CNGA3: variants seen among roughly 807,000 people sequenced by gnomAD.
The protein encoded by CNGA3 is cyclic nucleotide gated channel subunit alpha 3.
Under a neutral mutation model 46.6 loss-of-function variants are expected in CNGA3, and 42 were observed. The ratio of observed to expected loss-of-function variants is 0.90; its 90% CI spans 0.70 to 1.17. The LOEUF (loss-of-function observed/expected upper bound fraction) is 1.17, where lower values mean the gene tolerates loss of function less well. CNGA3 is among the 50% of genes most tolerant of loss of function. The probability of loss-of-function intolerance (pLI) is 0.00; values close to 1 mark genes in which losing one functional copy is unlikely to be tolerated. For missense variants in CNGA3, 893 were observed against 890.7 expected (o/e 1.00, Z -0.03); for synonymous variants, 394 against 369.4 (o/e 1.07, Z -0.76).
chr2:98,382,628 G>C (rs752555117), intron 4 of CNGA3, among the ~76,000 whole-genome samples: 6 of 152,252 alleles, frequency 3.9e-5, no homozygotes, highest in Non-Finnish European at 8.8e-5. Flanking sequence ...AGGCCGCATG[G>C]CTTTTTTAAC....
At chr2:98,368,031 T>C (rs78731824) in intron 1 of CNGA3, among the ~76,000 whole-genome samples, 1,607 of 152,352 alleles carry the variant, frequency 0.011, 18 homozygotes, top group Non-Finnish European at 0.015. Context: ...TATTTCTCTT[T>C]ATAGCTCCTA....
intron 1 of CNGA3, among the ~76,000 whole-genome samples, chr2:98,368,119 GA>G (rs758688943): frequency 1.1e-4 from 17 of 152,208 alleles, no homozygotes; most frequent in Non-Finnish European, 1.6e-4. Context: ...GATCTATTGA[GA>G]AAACCAGAAT....
At chr2:98,388,813 C>T (rs1319924930) in intron 5 of CNGA3, among the ~76,000 whole-genome samples, 2 of 152,170 alleles carry the variant, frequency 1.3e-5, no homozygotes, top group East Asian at 1.9e-4. Context: ...TCCCAAAGCC[C>T]GGTCAGTGAG....
intron 1 of CNGA3, chr2:98,347,215 A>C (rs1412230425): frequency 6.6e-6 from 1 of 152,048 alleles, no homozygotes; most frequent in East Asian, 1.9e-4. Context: ...AAATTCTTTT[A>C]GGAGTGCGCG....
chr2:98,366,727 C>T (rs1202934774), intron 1 of CNGA3, among the ~76,000 whole-genome samples: 1 of 152,214 alleles, frequency 6.6e-6, no homozygotes, highest in African/African-American at 2.4e-5. Flanking sequence ...ACTGCCCAGT[C>T]TCCACGACTC....
At chr2:98,362,704 T>C (rs1006080658) in intron 1 of CNGA3, among the ~76,000 whole-genome samples, 2 of 152,238 alleles carry the variant, frequency 1.3e-5, no homozygotes, top group Non-Finnish European at 2.9e-5. Flanking sequence ...TTGCTTTTGA[T>C]GTTTTTGTCA....
chr2:98,393,349 C>G (rs969829651), intron 7 of CNGA3, among the ~76,000 whole-genome samples: 1 of 152,240 alleles, frequency 6.6e-6, no homozygotes, highest in African/African-American at 2.4e-5. Context: ...CGTCTTGCTT[C>G]TTCATTAGAA....
At chr2:98,368,844 A>C (rs1558807948) in intron 1 of CNGA3, among the ~76,000 whole-genome samples, 1 of 152,194 alleles carries the variant, frequency 6.6e-6, no homozygotes, top group Non-Finnish European at 1.5e-5. Context: ...CTGTTCTCTT[A>C]TGCTGAGTCA....
chr2:98,392,940 G>T (rs979664989), intron 7 of CNGA3, among the ~76,000 whole-genome samples: 5 of 152,212 alleles, frequency 3.3e-5, no homozygotes, highest in African/African-American at 1.2e-4. Context: ...TGCCTAAGCT[G>T]GTAGAGGCCC....
At position 98,367,167 on chromosome 2, in the gene CNGA3, G is replaced by GTTTATTTTCTTTTTTTTTTTTT. The variant is rs751611132; in HGVS notation, c.-37-2769_-37-2768insATTTTCTTTTTTTTTTTTTTTT. Among the ~76,000 whole-genome samples the GTTTATTTTCTTTTTTTTTTTTT allele has an allele frequency of 7.4e-4, 75 of 101,606 alleles. 9 individuals are homozygous for GTTTATTTTCTTTTTTTTTTTTT. The highest frequency in any genetic ancestry group is 2.2e-3 in the African/African-American group (67 of 29,924). The allele number at this position is 101,606 out of a possible 152,430, so 66.7% of individuals were successfully genotyped here. A position where few individuals can be genotyped will look rare whatever the true frequency, so the allele number is the denominator to read the frequency against. Reference sequence around the variant, plus strand: ...TTGGTGAGAACCTCTGACATCAGCTGTTTTTTTTCTTTTTTTTCTTTTTTT... The same window carrying GTTTATTTTCTTTTTTTTTTTTT: ...TTGGTGAGAACCTCTGACATCAGCTGTTTATTTTCTTTTTTTTTTTTTTTTTTTTTCTTTTTTTTCTTTTTTT... On this transcript the variant is annotated intron_variant, in intron 1 of 7. Coordinates refer to ENST00000272602, the MANE Select transcript of CNGA3 (RefSeq NM_001298.3).
intron 1 of CNGA3, among the ~76,000 whole-genome samples, chr2:98,360,148 G>A (rs1471432164): frequency 2.0e-5 from 3 of 152,236 alleles, no homozygotes; most frequent in African/African-American, 7.2e-5. Flanking sequence ...GCCTTCAGCA[G>A]CAACCTTAAG....
chr2:98,361,021 A>ATTTAT (rs1553447373), intron 1 of CNGA3, among the ~76,000 whole-genome samples: 1 of 107,144 alleles, frequency 9.3e-6, no homozygotes, highest in African/African-American at 3.1e-5. Flanking sequence ...ATTTTATTTT[A>ATTTAT]TTTATTTTAT....
At position 98,362,499 on chromosome 2, in the gene CNGA3, GT is replaced by G. The variant is rs892748688; in HGVS notation, c.-37-7430del. On this transcript the variant is annotated intron_variant, in intron 1 of 7. Transcript: ENST00000272602. The stretch of plus-strand genomic sequence containing the variant: ...CCCGGCCTGCCCACTTTTTAATGTT[GT>G]TTTTTTTTTCTTGCAAATTCATTTA... 2.6e-4 allele frequency among the ~76,000 whole-genome samples: 39 copies of G among 149,012 alleles called. No homozygotes were observed. In the East Asian group the frequency reaches 5.7e-3, roughly 22 times the overall value.
intron 7 of CNGA3, among the ~76,000 whole-genome samples, chr2:98,395,533 T>C (rs2104244322): frequency 6.6e-6 from 1 of 152,332 alleles, no homozygotes; most frequent in Non-Finnish European, 1.5e-5. Flanking sequence ...TTAAAATATG[T>C]ATATAATTTC....
intron 2 of CNGA3, among the ~76,000 whole-genome samples, chr2:98,370,551 G>C (rs760914354): frequency 5.3e-5 from 8 of 152,342 alleles, no homozygotes; most frequent in Non-Finnish European, 8.8e-5. Context: ...CCCAGGGCCT[G>C]TATAGGGAGT....
At chr2:98,378,259 A>C in intron 3 of CNGA3, 1 of 1,529,452 alleles carries the variant, frequency 6.5e-7, no homozygotes, top group South Asian at 1.2e-5. Context: ...TTGCAAGATT[A>C]GTGAGACTCC....
intron 6 of CNGA3, 71 bp from the exon 7 acceptor site, chr2:98,391,793 T>C: frequency 6.9e-7 from 1 of 1,440,600 alleles, no homozygotes; most frequent in East Asian, 2.3e-5. Flanking sequence ...ACAGAGCCCG[T>C]GCCCACAGGT....
At position 98,397,149 on chromosome 2, in the gene CNGA3, A is replaced by G. The variant is rs760971757; in HGVS notation, c.1979A>G (p.Gln660Arg). Reference protein sequence around the residue: ...EYNATQMKMKQRLSQLESQVK... With the variant: ...EYNATQMKMKRRLSQLESQVK... ...AACGCCACCCAGATGAAGATGAAGC[A>G]GCGTCTCAGCCAACTGGAAAGCCAG... The change falls in exon 8 of 8, where the codon CAG becomes CGG. Residue 660 changes from glutamine to arginine, a missense_variant. By Grantham distance (43) the Gln-to-Arg change is conservative (BLOSUM62 1). This residue lies in a region of CNGA3 where 548 missense variants were observed against 570.8 expected (regional missense o/e 0.96). Coordinates refer to ENST00000272602, the MANE Select transcript of CNGA3 (RefSeq NM_001298.3). The G allele has an allele frequency of 2.5e-6, 4 of 1,614,128 alleles. No homozygotes were observed. The highest frequency in any genetic ancestry group is 3.4e-6 in the Non-Finnish European group (4 of 1,179,974).
rs2104249119 is a variant in CNGA3, at chr2:98,396,735, T to C, written c.1565T>C (p.Ile522Thr). 1.2e-6 allele frequency: 2 copies of C among 1,614,134 alleles called. No homozygotes were observed. Among genetic ancestry groups the C allele is most frequent in the Non-Finnish European group, 1.7e-6 (2 of 1,180,030 alleles). ...KGDIGKEMYIINEGKLAVVAD... is the reference protein window; with the variant it reads ...KGDIGKEMYITNEGKLAVVAD... ...GATATTGGGAAGGAGATGTACATCA[T>C]CAACGAGGGCAAGCTGGCCGTGGTG... is the stretch of plus-strand genomic sequence containing the variant. Residue 522 changes from isoleucine (I) to threonine (T), a missense_variant, in exon 8 of 8, where the codon ATC becomes ACC. Coordinates refer to ENST00000272602, the MANE Select transcript of CNGA3 (RefSeq NM_001298.3).
Sources: gnomAD v4.1 joint callset for allele counts (sites outside exome capture counted in the v4.1 genomes callset) on GRCh38, gnomAD v4.1.1 for gene constraint, gnomAD v4.1.1 regional missense constraint, MANE v1.5 for transcripts, NCBI Gene and HGNC (gene_info 2026-07-23, HGNC 2026-07-21) for gene names.